The following CUX1 variants were observed in gnomAD, a reference collection of about 807,000 sequenced individuals.
CUX1 encodes the protein cut like homeobox 1.
In CUX1, 31 loss-of-function variants were observed where a neutral mutation model predicts 158.8. The ratio of observed to expected loss-of-function variants is 0.20; its 90% CI spans 0.15 to 0.26. The LOEUF (loss-of-function observed/expected upper bound fraction) is 0.26. Ranked by LOEUF, CUX1 falls within the 10% of genes least tolerant of loss-of-function variation. The pLI, the probability that CUX1 is intolerant of heterozygous loss-of-function variation, is 1.00. For synonymous variants in CUX1, 879 were observed against 862.1 expected (o/e 1.02, Z -0.34); for missense variants, 1,589 against 2,014.6 (o/e 0.79, Z 4.04).
intron 1 of CUX1, among the ~76,000 whole-genome samples, chr7:101,908,933 G>A (rs1041656403): frequency 6.6e-6 from 1 of 152,214 alleles, no homozygotes; most frequent in African/African-American, 2.4e-5. Context: ...TGGAGTCCAG[G>A]TGTGAGCTAC....
intron 2 of CUX1, among the ~76,000 whole-genome samples, chr7:102,005,854 TGAA>T (rs1411496013): frequency 6.6e-6 from 1 of 152,084 alleles, no homozygotes; most frequent in Admixed American, 6.6e-5. Flanking sequence ...GCCCTTTCGA[TGAA>T]GTAAGAGCAG....
intron 1 of CUX1, among the ~76,000 whole-genome samples, chr7:101,865,142 T>C (rs1797817847): frequency 1.3e-5 from 2 of 152,184 alleles, no homozygotes; most frequent in Non-Finnish European, 2.9e-5. Context: ...GCCTGGGGCC[T>C]GGGTTCCCCC....
intron 1 of CUX1, among the ~76,000 whole-genome samples, chr7:101,848,145 G>A (rs1399385870): frequency 6.6e-6 from 1 of 151,504 alleles, no homozygotes; most frequent in Non-Finnish European, 1.5e-5. Context: ...AGGGGCTATA[G>A]CATCAATGGT....
intron 4 of CUX1, among the ~76,000 whole-genome samples, chr7:102,074,069 T>C (rs1480174304): frequency 6.6e-6 from 1 of 152,236 alleles, no homozygotes; most frequent in Non-Finnish European, 1.5e-5. Flanking sequence ...ATTGCTCAGA[T>C]GCAATCATTC....
chr7:102,155,504 C>G (rs923489433), intron 8 of CUX1, among the ~76,000 whole-genome samples: 3 of 151,942 alleles, frequency 2.0e-5, no homozygotes, highest in African/African-American at 7.2e-5. Context: ...CAAGATCACA[C>G]CACTGCACTC....
At chr7:102,163,021 A>G (rs1308526401) in intron 9 of CUX1, among the ~76,000 whole-genome samples, 8 of 152,214 alleles carry the variant, frequency 5.3e-5, no homozygotes, top group African/African-American at 1.7e-4. Flanking sequence ...TTGACCCTGA[A>G]GTCTAGGATT....
At chr7:102,165,350 C>CT (rs533978049) in intron 9 of CUX1, among the ~76,000 whole-genome samples, 2,288 of 105,338 alleles carry the variant, frequency 0.022, 49 homozygotes, top group African/African-American at 0.043. Context: ...TAGGGGAAAG[C>CT]TTTTTTTTTT....
chr7:102,178,787 A>G, intron 11 of CUX1, 130 bp downstream of exon 11: 1 of 954,886 alleles, frequency 1.0e-6, no homozygotes, highest in Non-Finnish European at 1.5e-6. Flanking sequence ...TCTGTAAAGT[A>G]GCACCAAGCA....
chr7:102,045,863 C>T (rs977573602), intron 3 of CUX1, among the ~76,000 whole-genome samples: 6 of 152,166 alleles, frequency 3.9e-5, no homozygotes, highest in African/African-American at 9.7e-5. Context: ...TTGGCATCTC[C>T]GCCAGGGGAC....
chr7:101,871,372 A>G (rs1798517126), intron 1 of CUX1, among the ~76,000 whole-genome samples: 1 of 150,138 alleles, frequency 6.7e-6, no homozygotes, highest in Non-Finnish European at 1.5e-5. Context: ...TTAAGTCTGC[A>G]TGTAGAGGGG....
chr7:101,974,712 G>A (rs1812425891), intron 2 of CUX1, among the ~76,000 whole-genome samples: 1 of 152,142 alleles, frequency 6.6e-6, no homozygotes, highest in Non-Finnish European at 1.5e-5. Flanking sequence ...AAGGGGGCGG[G>A]CAGCTTGGCG....
intron 8 of CUX1, among the ~76,000 whole-genome samples, chr7:102,123,533 C>T (rs1046112673): frequency 2.8e-5 from 4 of 142,794 alleles, no homozygotes; most frequent in African/African-American, 7.9e-5. Flanking sequence ...GGCGTGAACC[C>T]GGGAGGCAGA....
chr7:102,217,751 C>A (rs1479822891), intron 20 of CUX1, among the ~76,000 whole-genome samples: 2 of 148,042 alleles, frequency 1.4e-5, no homozygotes, highest in African/African-American at 2.5e-5. Context: ...GGGAGGGAGG[C>A]TCTGGATGGA....
At chr7:101,836,202 A>G (rs1794607249) in intron 1 of CUX1, among the ~76,000 whole-genome samples, 1 of 152,098 alleles carries the variant, frequency 6.6e-6, no homozygotes, top group Non-Finnish European at 1.5e-5. Flanking sequence ...TTTGTTCTCC[A>G]GAATGCTGCT....
intron 17 of CUX1, among the ~76,000 whole-genome samples, chr7:102,275,701 C>CA (rs1447138040): frequency 1.3e-5 from 2 of 152,126 alleles, no homozygotes; most frequent in African/African-American, 4.8e-5. Flanking sequence ...TTAAGCCAGG[C>CA]AGTGGCACTG....
At chr7:101,861,262 C>T (rs879645869) in intron 1 of CUX1, among the ~76,000 whole-genome samples, 2 of 152,188 alleles carry the variant, frequency 1.3e-5, no homozygotes, top group Admixed American at 6.5e-5. Context: ...CACGCATACT[C>T]CTGGTCACTT....
intron 9 of CUX1, among the ~76,000 whole-genome samples, chr7:102,162,192 A>G (rs782473252): frequency 3.3e-5 from 5 of 152,162 alleles, no homozygotes; most frequent in Admixed American, 6.6e-5. Context: ...GCCGACCAGA[A>G]AGAAAGGCCA....
At chr7:102,039,221 A>C (rs17132157) in intron 3 of CUX1, among the ~76,000 whole-genome samples, 3,406 of 152,288 alleles carry the variant, frequency 0.022, 145 homozygotes, top group African/African-American at 0.079. Context: ...TACAGATAAA[A>C]GGACTAAACC....
Position 101,817,727 on chromosome 7 carries a change from G to A in CUX1, c.30+58G>A, listed in dbSNP as rs568374191. 2 of 1,540,612 alleles carry A rather than the reference G, an allele frequency of 1.3e-6. No individual in the cohort carries two copies. Among genetic ancestry groups the A allele is most frequent in the Non-Finnish European group, 1.8e-6 (2 of 1,142,352 alleles). On this transcript the variant is annotated intron_variant, in intron 1 of 23. Transcript: ENST00000292535. This position sits in a 1 kb window ranked among gnomAD's most constrained non-coding sequence, Gnocchi z 4.1. ...TGCAGGCGCGGAGGGAACCGGGGAT[G>A]TCGGGGGGTGCCCGGGTCCCGCGGC...
Sources: gnomAD v4.1 joint callset for allele counts (sites outside exome capture counted in the v4.1 genomes callset) on GRCh38, gnomAD v4.1.1 for gene constraint, Gnocchi (gnomAD v3.1) non-coding constraint, MANE v1.5 for transcripts, NCBI Gene and HGNC (gene_info 2026-07-23, HGNC 2026-07-21) for gene names.